ACOT1: variants seen among roughly 807,000 people sequenced by gnomAD.
ACOT1 encodes acyl-coenzyme A thioesterase 1.
In ACOT1, 8 loss-of-function variants were observed where a neutral mutation model predicts 15.7. That is an observed-to-expected ratio of 0.51 (90% confidence interval 0.30 to 0.92). The LOEUF is 0.92. ACOT1 is among the 40% of genes least tolerant of loss of function. The pLI is 0.06. For synonymous variants in ACOT1, 67 were observed against 241.2 expected (o/e 0.28, Z 6.69); for missense variants, 151 against 539.4 (o/e 0.28, Z 7.13).
the ACOT1 span, among the ~76,000 whole-genome samples, chr14:73,513,497 G>A: frequency 2.0e-5 from 3 of 151,308 alleles, no homozygotes; most frequent in East Asian, 1.9e-4. Context: ...TGGCCAAGGC[G>A]GGCAGATCAC....
the ACOT1 span, among the ~76,000 whole-genome samples, chr14:73,494,752 G>T: frequency 6.6e-6 from 1 of 151,982 alleles, no homozygotes; most frequent in African/African-American, 2.4e-5. Context: ...GAGATGGAGG[G>T]GTCTTGCTAT....
chr14:73,519,731 G>C, the ACOT1 span, among the ~76,000 whole-genome samples: 4 of 151,662 alleles, frequency 2.6e-5, no homozygotes, highest in East Asian at 7.8e-4. Flanking sequence ...AATAAGAAAA[G>C]AACCGGCTGG....
At chr14:73,500,719 C>G in the ACOT1 span, 1 of 1,613,520 alleles carries the variant, frequency 6.2e-7, no homozygotes, top group East Asian at 2.2e-5. Flanking sequence ...ATTTCCTTGA[C>G]CTAGCTTGAC....
At chr14:73,493,774 G>A in the ACOT1 span, among the ~76,000 whole-genome samples, 3 of 152,138 alleles carry the variant, frequency 2.0e-5, no homozygotes, top group Non-Finnish European at 4.4e-5. Flanking sequence ...GGAGGTGGAG[G>A]TTGCAGTGAG....
the ACOT1 span, chr14:73,508,421 T>A: frequency 1.3e-6 from 1 of 749,970 alleles, no homozygotes; most frequent in Non-Finnish European, 2.2e-6. Flanking sequence ...CCACTCAGTC[T>A]AGAAATACAA....
rs778506098 is a variant in ACOT1 at position 73,537,225 on chromosome 14, T to A, written c.-197T>A. ...AAGTGGAGGTTTCAACACAGGAGACTTTAAGCAAGTTCCAGTGTGTCTATA... is the reference window on the plus strand; with the variant it reads ...AAGTGGAGGTTTCAACACAGGAGACATTAAGCAAGTTCCAGTGTGTCTATA... On this transcript the variant is annotated 5_prime_UTR_variant, in exon 1 of 3. Transcript: ENST00000311148. The A allele has an allele frequency of 5.1e-5, 24 of 472,184 alleles. 7 individuals carry two copies. Among genetic ancestry groups the A allele is most frequent in the Non-Finnish European group, 8.1e-5 (24 of 297,504 alleles). The allele number at this position is 472,184 out of a possible 1,614,324, so 29.2% of individuals were successfully genotyped here. A position where few individuals can be genotyped will look rare whatever the true frequency, so the allele number is the denominator to read the frequency against.
At chr14:73,528,182 G>A in the ACOT1 span, among the ~76,000 whole-genome samples, 1 of 151,458 alleles carries the variant, frequency 6.6e-6, no homozygotes, top group African/African-American at 2.4e-5. Context: ...ATCACCTGAG[G>A]TCAGGAGTTT....
the ACOT1 span, among the ~76,000 whole-genome samples, chr14:73,525,674 C>T: frequency 2.0e-5 from 3 of 152,120 alleles, no homozygotes; most frequent in Non-Finnish European, 4.4e-5. Context: ...ACCTTTAGGC[C>T]GGATGCGGTG....
chr14:73,495,509 A>T, the ACOT1 span: 1 of 764,276 alleles, frequency 1.3e-6, no homozygotes, highest in East Asian at 2.8e-5. Context: ...CTTGAGCCCA[A>T]CAGTTCAAGG....
the ACOT1 span, chr14:73,493,119 T>G: frequency 1.2e-6 from 2 of 1,612,356 alleles, no homozygotes; most frequent in Non-Finnish European, 1.7e-6. Context: ...GGAAGAACCA[T>G]CTCATCTAGG....
At chr14:73,504,296 G>A in the ACOT1 span, among the ~76,000 whole-genome samples, 3 of 151,268 alleles carry the variant, frequency 2.0e-5, no homozygotes, top group Admixed American at 6.6e-5. Context: ...AGGCTGGGGC[G>A]CAGTGGTGCG....
the ACOT1 span, among the ~76,000 whole-genome samples, chr14:73,504,194 G>A: frequency 6.7e-6 from 1 of 149,028 alleles, no homozygotes; most frequent in Non-Finnish European, 1.5e-5. Flanking sequence ...TCTCCTGCCT[G>A]AGCCTCCTGA....
chr14:73,496,067 T>G, the ACOT1 span, among the ~76,000 whole-genome samples: 1 of 151,438 alleles, frequency 6.6e-6, no homozygotes, highest in African/African-American at 2.4e-5. Context: ...GAGGTGGAGG[T>G]TGCAGTGAGC....
At chr14:73,535,969 T>G (rs1430675604), upstream of ACOT1, among the ~76,000 whole-genome samples, 1 of 116,264 alleles carries the variant, frequency 8.6e-6, no homozygotes, top group Non-Finnish European at 1.9e-5. Context: ...ACTACTACGG[T>G]TCTTGTAAGT....
upstream of ACOT1, among the ~76,000 whole-genome samples, chr14:73,534,261 C>A (rs1888794164): frequency 1.8e-5 from 2 of 110,458 alleles, 1 homozygote; most frequent in South Asian, 5.9e-4. Context: ...TGACTGTAAT[C>A]CCAGCTACTC....
At chr14:73,497,703 C>T in the ACOT1 span, among the ~76,000 whole-genome samples, 18 of 152,144 alleles carry the variant, frequency 1.2e-4, no homozygotes, top group South Asian at 4.1e-4. Flanking sequence ...CTCGGCTCAC[C>T]GCAACCTCCA....
At chr14:73,492,728 G>A in the ACOT1 span, 3 of 1,613,952 alleles carry the variant, frequency 1.9e-6, no homozygotes, top group Non-Finnish European at 2.5e-6. The surrounding 1 kb of genome is among the most constrained non-coding windows in gnomAD (Gnocchi z 4.9). Flanking sequence ...CTATTACACA[G>A]TGGAAAACTC....
chr14:73,520,653 G>A, the ACOT1 span: 1 of 510,872 alleles, frequency 2.0e-6, no homozygotes, highest in Non-Finnish European at 3.5e-6. Flanking sequence ...AGCGGGGAGA[G>A]AGAGCAGTTC....
the ACOT1 span, chr14:73,499,073 C>T: frequency 1.4e-5 from 22 of 1,613,824 alleles, no homozygotes; most frequent in African/African-American, 4.0e-5. Flanking sequence ...TATAATACCT[C>T]GAATGGCAAA....
Sources: gnomAD v4.1 joint callset for allele counts (sites outside exome capture counted in the v4.1 genomes callset) on GRCh38, gnomAD v4.1.1 for gene constraint, Gnocchi (gnomAD v3.1) non-coding constraint, MANE v1.5 for transcripts, NCBI Gene and HGNC (gene_info 2026-07-23, HGNC 2026-07-21) for gene names.